Variants in WDFY4 observed in about 807,000 individuals in gnomAD.
The protein encoded by WDFY4 is WDFY family member 4.
Under a neutral mutation model 351.9 loss-of-function variants are expected in WDFY4, and 169 were observed. The ratio of observed to expected loss-of-function variants is 0.48; its 90% CI spans 0.42 to 0.55. WDFY4 has a LOEUF of 0.55. WDFY4 is among the 20% of genes least tolerant of loss of function. The probability of loss-of-function intolerance (pLI) is 0.00; values close to 1 mark genes in which losing one functional copy is unlikely to be tolerated. For synonymous variants in WDFY4, 1,622 were observed against 1,574.6 expected, an observed-to-expected ratio of 1.03 and a Z score of -0.71; for missense variants, 3,803 against 3,935.6, an observed-to-expected ratio of 0.97 and a Z score of 0.90.
intron 47 of WDFY4, among the ~76,000 whole-genome samples, chr10:48,927,871 G>A (rs1839705291): frequency 1.3e-5 from 2 of 152,218 alleles, no homozygotes; most frequent in South Asian, 2.1e-4. Context: ...AGGAACAAAA[G>A]GGAATAAGCA....
At chr10:48,697,679 T>C (rs559901845) in intron 1 of WDFY4, among the ~76,000 whole-genome samples, 3 of 152,282 alleles carry the variant, frequency 2.0e-5, no homozygotes, top group Non-Finnish European at 4.4e-5. Context: ...GCCCCATACC[T>C]CCTGGCTGTT....
At position 48,709,823 on chromosome 10, in the gene WDFY4, G is replaced by A; in HGVS notation, c.91G>A (p.Val31Ile). Residue 31 changes from valine (V) to isoleucine (I), a missense_variant, in exon 2 of 62, where the codon GTC (valine) becomes ATC (isoleucine). Transcript: ENST00000325239. ...EGQLAAVQPD[V>I]PHGGQSSSPT... ...GCAGCTTGCTGCTGTGCAGCCTGATGTCCCACATGGAGGGCAGTCCTCCAG... is the reference window on the plus strand; with the variant it reads ...GCAGCTTGCTGCTGTGCAGCCTGATATCCCACATGGAGGGCAGTCCTCCAG... 1.3e-6 allele frequency: 2 copies of A among 1,551,888 alleles called. No individual in the cohort carries two copies. Among genetic ancestry groups the A allele is most frequent in the Non-Finnish European group, 1.7e-6 (2 of 1,147,018 alleles).
rs187183999 is a variant in WDFY4 at position 48,957,178 on chromosome 10, C to T, written c.8027C>T (p.Thr2676Met). 2.8e-5 allele frequency: 43 copies of T among 1,551,638 alleles called. No homozygotes were observed. The highest frequency in any genetic ancestry group is 9.8e-5 in the East Asian group (4 of 40,922). Reference protein sequence around the residue: ...ADRMFHSVKSTWESASRENMS... With the variant: ...ADRMFHSVKSMWESASRENMS... ...AGAATGTTCCACAGTGTGAAGAGCACGTGGGAGTCGGCCTCCAGAGAGAAC... is the reference window on the plus strand; with the variant it reads ...AGAATGTTCCACAGTGTGAAGAGCATGTGGGAGTCGGCCTCCAGAGAGAAC... Residue 2676 changes from threonine to methionine, a missense_variant, in exon 52 of 62, where the codon ACG (threonine) becomes ATG (methionine). Coordinates refer to ENST00000325239, the MANE Select transcript of WDFY4 (RefSeq NM_001394531.1).
chr10:48,911,555 C>T (rs997022733), intron 47 of WDFY4, among the ~76,000 whole-genome samples: 1 of 152,024 alleles, frequency 6.6e-6, no homozygotes, highest in Admixed American at 6.5e-5. Flanking sequence ...TATGTATATC[C>T]ACAAGAATAA....
At chr10:48,784,090 C>T (rs541812338) in intron 19 of WDFY4, among the ~76,000 whole-genome samples, 1 of 152,234 alleles carries the variant, frequency 6.6e-6, no homozygotes, top group African/African-American at 2.4e-5. Flanking sequence ...AGTCATTTAT[C>T]CATTGAAAGA....
At chr10:48,727,354 A>G in intron 6 of WDFY4, 116 bp from the exon 7 acceptor site, 4 of 1,105,468 alleles carry the variant, frequency 3.6e-6, no homozygotes, top group Non-Finnish European at 5.1e-6. Flanking sequence ...CATGTTTTGG[A>G]TTAATTCCCA....
intron 39 of WDFY4, among the ~76,000 whole-genome samples, chr10:48,845,904 G>T (rs890197261): frequency 6.6e-6 from 1 of 152,152 alleles, no homozygotes; most frequent in Non-Finnish European, 1.5e-5. Context: ...TAGGCAAGAG[G>T]GTACATGCAT....
rs149890907 is a variant in WDFY4 at position 48,817,214 on chromosome 10, C to T, written c.5341-31C>T. 7.9e-5 allele frequency: 122 copies of T among 1,549,344 alleles called. No homozygotes were observed. In the African/African-American group the frequency reaches 1.3e-3, roughly 17 times the overall value. ...AGGGAGGCAGCGCCCATCATGCTGCCCTGCACTACCTCTCACCAAGTGTGC... is the reference window on the plus strand; with the variant it reads ...AGGGAGGCAGCGCCCATCATGCTGCTCTGCACTACCTCTCACCAAGTGTGC... On this transcript the variant is annotated intron_variant, in intron 31 of 61. Transcript: ENST00000325239.
intron 5 of WDFY4, 143 bp from the exon 6 acceptor site, chr10:48,725,738 G>A (rs749560315): frequency 8.9e-5 from 79 of 887,880 alleles, no homozygotes; most frequent in Non-Finnish European, 1.3e-4. Flanking sequence ...CTGCTGGTCT[G>A]GGACAGAGGG....
rs1255656671 is a variant in WDFY4 at position 48,727,514 on chromosome 10, A to G, written c.826A>G (p.Thr276Ala). The G allele has an allele frequency of 6.4e-7, 1 of 1,551,750 alleles. No homozygotes were observed. The highest frequency in any genetic ancestry group is 2.0e-5 in the Admixed American group (1 of 51,010). Residue 276 changes from threonine to alanine, a missense_variant, in exon 7 of 62, where the codon ACG becomes GCG. Around this residue, in one of 3 missense-constraint regions of WDFY4, gnomAD observed 488 missense variants for 456.8 expected, o/e 1.07. Transcript: ENST00000325239. ...RLSLQNLSRL[T>A]DTLPAPEVSE... Reference sequence around the variant, plus strand: ...CTCCCTCCAGAACCTCTCCAGGCTCACGGACACTCTCCCTGCCCCTGAAGT... The same window carrying G: ...CTCCCTCCAGAACCTCTCCAGGCTCGCGGACACTCTCCCTGCCCCTGAAGT...
chr10:48,888,730 G>T (rs190305951), intron 43 of WDFY4, among the ~76,000 whole-genome samples: 1 of 152,110 alleles, frequency 6.6e-6, no homozygotes, highest in Non-Finnish European at 1.5e-5. Flanking sequence ...GGATGTCCCC[G>T]TTCCTTGAAA....
At chr10:48,823,133 C>T (rs558907315) in intron 35 of WDFY4, 43 of 1,301,950 alleles carry the variant, frequency 3.3e-5, no homozygotes, top group Non-Finnish European at 3.9e-5. Context: ...CAGAGAGAAT[C>T]GTACAATCTC....
intron 47 of WDFY4, among the ~76,000 whole-genome samples, chr10:48,918,019 A>C (rs1421433127): frequency 6.6e-6 from 1 of 152,220 alleles, no homozygotes; most frequent in Non-Finnish European, 1.5e-5. Context: ...TGAAAGGTTA[A>C]TTTTAAGCAG....
intron 43 of WDFY4, among the ~76,000 whole-genome samples, chr10:48,889,180 C>T (rs554060394): frequency 6.6e-6 from 1 of 152,350 alleles, no homozygotes; most frequent in Non-Finnish European, 1.5e-5. Flanking sequence ...CAGCTACCTT[C>T]ACCAACCTTG....
chr10:48,885,777 G>T (rs1188009604), intron 43 of WDFY4, among the ~76,000 whole-genome samples: 1 of 151,806 alleles, frequency 6.6e-6, no homozygotes, highest in Non-Finnish European at 1.5e-5. Flanking sequence ...TAAATAGATA[G>T]ATAGCATCTC....
chr10:48,892,059 C>A (rs1836830506), intron 44 of WDFY4, among the ~76,000 whole-genome samples: 2 of 152,210 alleles, frequency 1.3e-5, no homozygotes, highest in African/African-American at 4.8e-5. Context: ...TAATACTTGG[C>A]TCCTCATCCC....
At chr10:48,749,707 T>G (rs1251826591) in intron 12 of WDFY4, among the ~76,000 whole-genome samples, 1 of 152,092 alleles carries the variant, frequency 6.6e-6, no homozygotes, top group Non-Finnish European at 1.5e-5. Context: ...CTATAGGCAA[T>G]GTGGAGCTAG....
At chr10:48,879,810 C>A (rs1223487597) in intron 43 of WDFY4, among the ~76,000 whole-genome samples, 1 of 152,032 alleles carries the variant, frequency 6.6e-6, no homozygotes, top group Non-Finnish European at 1.5e-5. Context: ...CCCTGTGGCC[C>A]TTCCTCCTTT....
At position 48,786,644 on chromosome 10, in the gene WDFY4, A is replaced by G. The variant is rs1200849589; in HGVS notation, c.3582A>G (p.Leu1194=). The G allele has an allele frequency of 2.6e-6, 4 of 1,550,300 alleles. No individual in the cohort carries two copies. Among genetic ancestry groups the G allele is most frequent in the Non-Finnish European group, 2.6e-6 (3 of 1,146,482 alleles). The change falls in exon 20 of 62, where the codon TTA becomes TTG. Residue 1194 remains leucine (L), a synonymous_variant. Transcript: ENST00000325239. ...DGQVIGSAKM[L]YIQALPGPFL... ...TGTCCTTTTTATTTTAACAGATGTT[A>G]TACATCCAGGCTCTACCAGGGCCTT...
Sources: gnomAD v4.1 joint callset for allele counts (sites outside exome capture counted in the v4.1 genomes callset) on GRCh38, gnomAD v4.1.1 for gene constraint, gnomAD v4.1.1 regional missense constraint, MANE v1.5 for transcripts, NCBI Gene and HGNC (gene_info 2026-07-23, HGNC 2026-07-21) for gene names.